Variants in NUP98 observed in about 807,000 individuals in gnomAD.
NUP98 encodes the protein nuclear pore complex protein Nup98-Nup96.
Under a neutral mutation model 191.9 loss-of-function variants are expected in NUP98, and 26 were observed. The ratio of observed to expected loss-of-function variants is 0.14; its 90% CI spans 0.10 to 0.19. The LOEUF is 0.19. Ranked by LOEUF, NUP98 falls within the 10% of genes least tolerant of loss-of-function variation. The pLI is 1.00. For synonymous variants in NUP98, 808 were observed against 778.4 expected, an observed-to-expected ratio of 1.04 and a Z score of -0.63; for missense variants, 1,941 against 2,178.8, an observed-to-expected ratio of 0.89 and a Z score of 2.17.
At chr11:3,763,837 C>G (rs1015081555) in intron 8 of NUP98, among the ~76,000 whole-genome samples, 1 of 152,148 alleles carries the variant, frequency 6.6e-6, no homozygotes, top group African/African-American at 2.4e-5. Context: ...CTGCACCCAG[C>G]CAAAAGCCTT....
intron 18 of NUP98, among the ~76,000 whole-genome samples, chr11:3,715,208 A>C (rs2079142054): frequency 6.6e-6 from 1 of 152,176 alleles, no homozygotes; most frequent in African/African-American, 2.4e-5. Flanking sequence ...GTGCAGTGGC[A>C]CATTCTTAGC....
intron 1 of NUP98, among the ~76,000 whole-genome samples, chr11:3,791,562 A>C (rs2082351575): frequency 7.6e-6 from 1 of 131,290 alleles, no homozygotes; most frequent in Middle Eastern, 5.0e-3. Flanking sequence ...AAAAAAAGAA[A>C]GGCTGGGCAT....
intron 19 of NUP98, among the ~76,000 whole-genome samples, chr11:3,713,195 T>C (rs16929782): frequency 1.3e-5 from 2 of 151,988 alleles, no homozygotes; most frequent in African/African-American, 4.8e-5. Context: ...ATAGGAAGAG[T>C]TGATCCAATA....
chr11:3,773,388 CAA>C (rs112070730), intron 6 of NUP98, among the ~76,000 whole-genome samples: 5 of 130,820 alleles, frequency 3.8e-5, no homozygotes, highest in Admixed American at 7.7e-5. Flanking sequence ...AAGCCCATCT[CAA>C]AAAAAAAAAA....
At chr11:3,778,738 A>G in intron 4 of NUP98, 135 bp downstream of exon 4, 1 of 797,530 alleles carries the variant, frequency 1.3e-6, no homozygotes, top group South Asian at 1.7e-5. Context: ...TACATATTGA[A>G]GTTTTCCTCT....
At chr11:3,791,096 C>A (rs570058746) in intron 1 of NUP98, among the ~76,000 whole-genome samples, 1 of 151,898 alleles carries the variant, frequency 6.6e-6, no homozygotes, top group South Asian at 2.1e-4. Context: ...GGGTTTTCAC[C>A]GTGTTAGCCA....
intron 14 of NUP98, among the ~76,000 whole-genome samples, chr11:3,725,536 T>G (rs1011279343): frequency 6.6e-6 from 1 of 152,222 alleles, no homozygotes; most frequent in African/African-American, 2.4e-5. Flanking sequence ...CTCATCACAC[T>G]ATGTTTGTAT....
At chr11:3,755,653 T>C (rs2080934188) in intron 10 of NUP98, among the ~76,000 whole-genome samples, 1 of 152,072 alleles carries the variant, frequency 6.6e-6, no homozygotes, top group Admixed American at 6.6e-5. Context: ...AACAATCGTA[T>C]TTCATGTCAT....
Position 3,675,947 on chromosome 11 carries a change from C to T in NUP98, c.*212G>A, listed in dbSNP as rs2077793962. 3 of 578,622 alleles carry T rather than the reference C, an allele frequency of 5.2e-6. No homozygotes were observed. In the South Asian group the frequency reaches 6.4e-5, roughly 12 times the overall value. 35.8% of individuals were successfully genotyped at this position (578,622 alleles called of 1,614,324 possible). The stretch of plus-strand genomic sequence containing the variant: ...ACTGAATGATCTTGAGGATGGTAAA[C>T]TGTCTCCTCTTCTGGGTTCCAGAAG... On this transcript the variant is annotated 3_prime_UTR_variant, in exon 33 of 33. Transcript: ENST00000324932.
chr11:3,778,913 T>C lies in NUP98; in HGVS notation c.315A>G (p.Gln105=), dbSNP rs1275280491. The C allele has an allele frequency of 6.2e-7, 1 of 1,614,180 alleles. No individual in the cohort carries two copies. Among genetic ancestry groups the C allele is most frequent in the Admixed American group, 1.7e-5 (1 of 60,012 alleles). The change falls in exon 4 of 33, where the codon CAA becomes CAG. Residue 105 remains glutamine (Q), a synonymous_variant. Coordinates refer to ENST00000324932, the MANE Select transcript of NUP98 (RefSeq NM_016320.5). The part of the protein sequence containing the change: ...ASTGTSLFSS[Q]NNAFAQNKPT... Reference sequence around the variant, plus strand: ...GTTTATTTTGTGCAAAGGCATTGTTTTGGGATGAGAAGAGACTGGTCCCTG... The same window carrying C: ...GTTTATTTTGTGCAAAGGCATTGTTCTGGGATGAGAAGAGACTGGTCCCTG...
At chr11:3,717,435 A>G (rs113215180) in intron 18 of NUP98, among the ~76,000 whole-genome samples, 2,874 of 152,138 alleles carry the variant, frequency 0.019, 89 homozygotes, top group African/African-American at 0.066. Context: ...ATTTGTGTAT[A>G]TTTTATTCTT....
intron 17 of NUP98, 150 bp from the exon 18 acceptor site, chr11:3,719,700 G>C (rs1394265625): frequency 6.6e-6 from 3 of 452,296 alleles, no homozygotes; most frequent in Admixed American, 4.9e-5. Flanking sequence ...GGTAAGAATG[G>C]GGACTTAGGG....
At chr11:3,709,208 T>A (rs2078957725) in intron 20 of NUP98, among the ~76,000 whole-genome samples, 1 of 152,182 alleles carries the variant, frequency 6.6e-6, no homozygotes, top group Non-Finnish European at 1.5e-5. Flanking sequence ...ATATAACTAC[T>A]ATTATTGCCT....
chr11:3,723,499 A>G lies in NUP98; in HGVS notation c.1848-44T>C, dbSNP rs111423614. ...AATACCTTAGCCTCTTGTAGTAGTA[A>G]TAACAATGATAATAGCTAACTAATA... On this transcript the variant is annotated intron_variant, in intron 15 of 32. Coordinates refer to ENST00000324932, the MANE Select transcript of NUP98 (RefSeq NM_016320.5). The G allele has an allele frequency of 7.5e-5, 113 of 1,509,472 alleles. 2 individuals are homozygous for G. The African/African-American group carries it at 1.0e-3, about 14-fold the overall frequency. 93.5% of individuals were successfully genotyped at this position (1,509,472 alleles called of 1,614,324 possible). A position where few individuals can be genotyped will look rare whatever the true frequency, so the allele number is the denominator to read the frequency against.
intron 11 of NUP98, among the ~76,000 whole-genome samples, chr11:3,751,395 A>G (rs890868618): frequency 6.6e-6 from 1 of 152,092 alleles, no homozygotes; most frequent in African/African-American, 2.4e-5. Flanking sequence ...AACCCTAAAT[A>G]TAAAAGACAT....
chr11:3,781,789 C>T (rs1254139526), intron 2 of NUP98, among the ~76,000 whole-genome samples: 2 of 152,064 alleles, frequency 1.3e-5, no homozygotes, highest in East Asian at 3.8e-4. Flanking sequence ...TTATAACTTT[C>T]TGTCAACCAA....
chr11:3,782,821 G>A (rs2082018176), intron 1 of NUP98, among the ~76,000 whole-genome samples: 1 of 152,014 alleles, frequency 6.6e-6, no homozygotes, highest in African/African-American at 2.4e-5. Flanking sequence ...CACCACCAAA[G>A]TGCTGGGATT....
At chr11:3,688,242 C>T (rs1029181881) in intron 28 of NUP98, among the ~76,000 whole-genome samples, 1 of 151,744 alleles carries the variant, frequency 6.6e-6, no homozygotes, top group Non-Finnish European at 1.5e-5. Context: ...GGTGAAACCC[C>T]GTCTCTACTA....
At chr11:3,787,248 T>C (rs906521683) in intron 1 of NUP98, among the ~76,000 whole-genome samples, 5 of 152,204 alleles carry the variant, frequency 3.3e-5, no homozygotes, top group Admixed American at 6.5e-5. Context: ...CTCCCTAGGA[T>C]AGATCTTTGA....
Sources: gnomAD v4.1 joint callset for allele counts (sites outside exome capture counted in the v4.1 genomes callset) on GRCh38, gnomAD v4.1.1 for gene constraint, MANE v1.5 for transcripts, NCBI Gene and HGNC (gene_info 2026-07-23, HGNC 2026-07-21) for gene names.